GMDS: variants seen among roughly 807,000 people sequenced by gnomAD.
The protein encoded by GMDS is GDP-mannose 4,6 dehydratase.
GMDS carries 20 observed loss-of-function variants against 49.9 expected under a neutral mutation model. The observed-to-expected ratio is 0.40, with a 90% CI of 0.28 to 0.58. The LOEUF (loss-of-function observed/expected upper bound fraction) is 0.58, where lower values mean the gene tolerates loss of function less well. Among genes scored for constraint, GMDS ranks in the 20% least tolerant of loss-of-function variants. The pLI, the probability that GMDS is intolerant of heterozygous loss-of-function variation, is 0.42. For synonymous variants in GMDS, 177 were observed against 178.6 expected (o/e 0.99, Z 0.07); for missense variants, 362 against 481.4 (o/e 0.75, Z 2.32).
At chr6:1,710,388 C>A (rs904651040) in intron 9 of GMDS, among the ~76,000 whole-genome samples, 4 of 152,248 alleles carry the variant, frequency 2.6e-5, no homozygotes, top group Admixed American at 6.5e-5. Flanking sequence ...AGTTGATTTT[C>A]TTTTCCACGT....
At chr6:1,699,926 C>A (rs371791613) in intron 9 of GMDS, among the ~76,000 whole-genome samples, 45 of 152,362 alleles carry the variant, frequency 3.0e-4, no homozygotes, top group African/African-American at 1.0e-3. Flanking sequence ...TACGCAGAGG[C>A]AGCTGGCCTA....
chr6:2,050,600 C>T (rs984476389), intron 4 of GMDS, among the ~76,000 whole-genome samples: 3 of 152,134 alleles, frequency 2.0e-5, no homozygotes, highest in African/African-American at 7.2e-5. Flanking sequence ...GACCAATATC[C>T]CTGATGAACA....
At chr6:1,714,402 TAA>T (rs111543492) in intron 9 of GMDS, among the ~76,000 whole-genome samples, 6 of 142,702 alleles carry the variant, frequency 4.2e-5, no homozygotes, top group African/African-American at 7.6e-5. Context: ...GCACTTACAT[TAA>T]AAAAAAAAAA....
intron 4 of GMDS, among the ~76,000 whole-genome samples, chr6:2,062,911 C>A (rs931165631): frequency 1.7e-4 from 26 of 152,254 alleles, no homozygotes; most frequent in African/African-American, 6.3e-4. Flanking sequence ...ACAGCTCTTT[C>A]TCACTTGTAA....
At position 1,708,279 on chromosome 6, in the gene GMDS, G is replaced by A. The variant is rs143339800; in HGVS notation, c.987+18137C>T. Among the ~76,000 whole-genome samples the A allele has an allele frequency of 1.6e-4, 24 of 152,352 alleles. 1 individual carries two copies. The highest frequency in any genetic ancestry group is 5.5e-4 in the African/African-American group (23 of 41,596). On this transcript the variant is annotated intron_variant, in intron 9 of 10. Transcript: ENST00000380815. ...ACAACTCGAAGGCTGTAACTTTCCC[G>A]ACACTTGAGACGTCACTCCTTTGCA...
intron 4 of GMDS, among the ~76,000 whole-genome samples, chr6:2,080,315 AT>A (rs1292182647): frequency 1.3e-5 from 2 of 152,080 alleles, no homozygotes; most frequent in Non-Finnish European, 2.9e-5. Context: ...GATTTCGTGA[AT>A]TTCTTTTTGA....
intron 6 of GMDS, among the ~76,000 whole-genome samples, chr6:1,943,168 C>A (rs1201785555): frequency 6.6e-6 from 1 of 152,202 alleles, no homozygotes; most frequent in South Asian, 2.1e-4. Context: ...GTGCAGACCC[C>A]CCAGCATGCA....
intron 7 of GMDS, among the ~76,000 whole-genome samples, chr6:1,904,965 A>G (rs1760682270): frequency 6.6e-6 from 1 of 152,240 alleles, no homozygotes; most frequent in Admixed American, 6.5e-5. Flanking sequence ...GTTGCAAAAC[A>G]AAGAAGAGGG....
At chr6:1,973,074 C>T (rs886930743) in intron 4 of GMDS, among the ~76,000 whole-genome samples, 2 of 152,200 alleles carry the variant, frequency 1.3e-5, no homozygotes, top group African/African-American at 4.8e-5. Context: ...CTAAATCTCT[C>T]TTACCACCTA....
At chr6:1,998,071 C>A in intron 4 of GMDS, among the ~76,000 whole-genome samples, 1 of 151,984 alleles carries the variant, frequency 6.6e-6, no homozygotes, top group East Asian at 1.9e-4. Flanking sequence ...AGACCTTAGG[C>A]AAACAAATAA....
intron 7 of GMDS, among the ~76,000 whole-genome samples, chr6:1,909,720 GGAC>G (rs1344904657): frequency 3.3e-5 from 5 of 152,164 alleles, no homozygotes; most frequent in Non-Finnish European, 7.4e-5. Context: ...CCACATGCAG[GGAC>G]GGCATGGCTA....
intron 4 of GMDS, among the ~76,000 whole-genome samples, chr6:2,085,640 T>C (rs998582320): frequency 1.3e-5 from 2 of 152,100 alleles, no homozygotes; most frequent in Non-Finnish European, 2.9e-5. Context: ...AGTGATCCTC[T>C]CACTTCAGCC....
At chr6:1,738,644 C>G (rs186491974) in intron 8 of GMDS, among the ~76,000 whole-genome samples, 17 of 152,110 alleles carry the variant, frequency 1.1e-4, no homozygotes, top group African/African-American at 4.1e-4. Context: ...GGCAAGGACA[C>G]AAAGCACAAC....
chr6:1,952,545 C>G (rs187538329), intron 6 of GMDS, among the ~76,000 whole-genome samples: 1 of 152,124 alleles, frequency 6.6e-6, no homozygotes, highest in Non-Finnish European at 1.5e-5. Context: ...GAATGAAATA[C>G]AAAATAAACC....
intron 7 of GMDS, among the ~76,000 whole-genome samples, chr6:1,866,870 G>T (rs555977561): frequency 6.6e-6 from 1 of 152,344 alleles, no homozygotes; most frequent in East Asian, 1.9e-4. Flanking sequence ...CTCAAGTCCT[G>T]CTCAGGAAGG....
At chr6:1,659,904 G>C (rs1764013822) in intron 9 of GMDS, among the ~76,000 whole-genome samples, 2 of 151,258 alleles carry the variant, frequency 1.3e-5, no homozygotes, top group Non-Finnish European at 2.9e-5. Context: ...AACCCAATTA[G>C]TTTCCCTGAC....
intron 1 of GMDS, among the ~76,000 whole-genome samples, chr6:2,205,232 G>T (rs886939063): frequency 3.9e-5 from 6 of 152,172 alleles, no homozygotes; most frequent in African/African-American, 1.4e-4. Flanking sequence ...CAAAGCTGAA[G>T]CAATCAACCC....
intron 7 of GMDS, among the ~76,000 whole-genome samples, chr6:1,896,337 A>G (rs1227954904): frequency 6.6e-6 from 1 of 152,198 alleles, no homozygotes; most frequent in African/African-American, 2.4e-5. Context: ...CCTTTGGGAC[A>G]TGTTTGTTTA....
intron 4 of GMDS, among the ~76,000 whole-genome samples, chr6:2,031,166 T>C (rs1196049360): frequency 3.9e-5 from 6 of 152,190 alleles, no homozygotes. Context: ...GGTGGAGCCA[T>C]GGATTTTGAA....
Sources: gnomAD v4.1 joint callset for allele counts (sites outside exome capture counted in the v4.1 genomes callset) on GRCh38, gnomAD v4.1.1 for gene constraint, MANE v1.5 for transcripts, NCBI Gene and HGNC (gene_info 2026-07-23, HGNC 2026-07-21) for gene names.